Variants in GPT2 observed in about 807,000 individuals in gnomAD.
GPT2 encodes alanine aminotransferase 2.
GPT2 carries 30 observed loss-of-function variants against 56.9 expected under a neutral mutation model. The observed-to-expected ratio is 0.53, with a 90% confidence interval of 0.39 to 0.72. The LOEUF (loss-of-function observed/expected upper bound fraction) is 0.72. Among genes scored for constraint, GPT2 ranks in the 30% least tolerant of loss-of-function variants. The pLI, the probability that GPT2 is intolerant of heterozygous loss-of-function variation, is 0.00. For synonymous variants in GPT2, 271 were observed against 283.1 expected (o/e 0.96, Z 0.43); for missense variants, 542 against 703.4 (o/e 0.77, Z 2.60).
intron 6 of GPT2, among the ~76,000 whole-genome samples, chr16:46,912,126 T>G (rs1961057757): frequency 6.6e-6 from 1 of 152,170 alleles, no homozygotes; most frequent in South Asian, 2.1e-4. Flanking sequence ...GACCACACAC[T>G]GTGACCAGGG....
At chr16:46,927,920 T>C (rs1961449903) in intron 11 of GPT2, among the ~76,000 whole-genome samples, 1 of 152,068 alleles carries the variant, frequency 6.6e-6, no homozygotes, top group South Asian at 2.1e-4. Context: ...GAGTTGTGAC[T>C]GGAGGGTGTC....
intron 6 of GPT2, among the ~76,000 whole-genome samples, chr16:46,913,776 A>T (rs1189587061): frequency 6.6e-6 from 1 of 152,182 alleles, no homozygotes. Flanking sequence ...ATATGTACAC[A>T]CACACACAGT....
intron 3 of GPT2, among the ~76,000 whole-genome samples, chr16:46,899,398 C>T (rs2143409351): frequency 1.3e-5 from 2 of 152,266 alleles, no homozygotes; most frequent in South Asian, 4.1e-4. Flanking sequence ...CCCAAGAACA[C>T]CAGTTCCCTG....
chr16:46,909,954 T>G, intron 6 of GPT2, 27 bp downstream of exon 6: 1 of 1,568,412 alleles, frequency 6.4e-7, no homozygotes, highest in Non-Finnish European at 8.7e-7. Context: ...CTCACCAGTT[T>G]CGTAGAGGGT....
rs1354056069 is a variant in GPT2, at chr16:46,929,349, C to T, written c.*352C>T. On this transcript the variant is annotated 3_prime_UTR_variant, in exon 12 of 12. Coordinates refer to ENST00000340124, the MANE Select transcript of GPT2 (RefSeq NM_133443.4). ...CAGATCTGGAGAAATGAGCAGGTGT[C>T]GGGAAATGTGTGACTTAACCGTGGT... The T allele has an allele frequency of 8.8e-5, 23 of 261,228 alleles. No homozygotes were observed. The highest frequency in any genetic ancestry group is 4.1e-4 in the Admixed American group (9 of 21,720). The allele number at this position is 261,228 out of a possible 1,614,324, so 16.2% of individuals were successfully genotyped here. A position where few individuals can be genotyped will look rare whatever the true frequency, so the allele number is the denominator to read the frequency against.
In GPT2 at chr16:46,884,704, C is replaced by T; in HGVS notation, c.-12C>T. The T allele has an allele frequency of 8.7e-6, 12 of 1,375,704 alleles. No individual in the cohort carries two copies. The highest frequency in any genetic ancestry group is 2.2e-5 in the South Asian group (1 of 45,700). The allele number at this position is 1,375,704 out of a possible 1,614,324, so 85.2% of individuals were successfully genotyped here. ...CTCTTTTTGTGCCAGGGTTTCTCTC[C>T]GCAAGCGCGCGATGCAGCGGGCGGC... On this transcript the variant is annotated 5_prime_UTR_variant, in exon 2 of 12. Transcript: ENST00000340124.
intron 2 of GPT2, among the ~76,000 whole-genome samples, chr16:46,896,124 C>T (rs1960681663): frequency 6.6e-6 from 1 of 152,228 alleles, no homozygotes; most frequent in Non-Finnish European, 1.5e-5. Context: ...GATATTTGTA[C>T]TCTGCTAAGG....
chr16:46,903,566 A>G (rs1257761424), intron 4 of GPT2, among the ~76,000 whole-genome samples: 1 of 152,122 alleles, frequency 6.6e-6, no homozygotes, highest in African/African-American at 2.4e-5. Context: ...CTCAGCCTCC[A>G]GAGTAGTTGG....
intron 8 of GPT2, among the ~76,000 whole-genome samples, chr16:46,920,200 A>AG (rs1961258052): frequency 1.3e-5 from 2 of 152,240 alleles, no homozygotes; most frequent in Admixed American, 1.3e-4. Context: ...AACAACAGGA[A>AG]GGATGGTGTT....
chr16:46,885,109 C>G, intron 2 of GPT2, 151 bp downstream of exon 2: 2 of 1,349,886 alleles, frequency 1.5e-6, no homozygotes, highest in Non-Finnish European at 9.5e-7. Flanking sequence ...TGCCCCCTCC[C>G]GCCCGTTCAC....
chr16:46,901,956 C>A (rs530534991), intron 4 of GPT2, among the ~76,000 whole-genome samples: 1 of 152,274 alleles, frequency 6.6e-6, no homozygotes, highest in African/African-American at 2.4e-5. Context: ...TCCTTTCCCC[C>A]CTGCACCCTC....
chr16:46,928,153 T>A (rs1341866517), intron 11 of GPT2, among the ~76,000 whole-genome samples: 1 of 149,934 alleles, frequency 6.7e-6, no homozygotes, highest in Non-Finnish European at 1.5e-5. Flanking sequence ...AGCAAGACCC[T>A]GTCTCTACAA....
chr16:46,922,337 C>CA lies in GPT2; in HGVS notation c.1134dup (p.Val379SerfsTer22). ...CTGCTGTCGGTGCGCCTGTGCCCCC[C>CA]AGTGTCTGGGCAGGCCGCCATGGAC... On this transcript the variant is annotated frameshift_variant, in exon 9 of 12. Coordinates refer to ENST00000340124, the MANE Select transcript of GPT2 (RefSeq NM_133443.4). LOFTEE classifies it high-confidence loss of function. The CA allele has an allele frequency of 6.2e-7, 1 of 1,614,198 alleles. No individual in the cohort carries two copies. Among genetic ancestry groups the CA allele is most frequent in the Non-Finnish European group, 8.5e-7 (1 of 1,180,032 alleles).
At chr16:46,926,246 C>T (rs923938489) in intron 10 of GPT2, among the ~76,000 whole-genome samples, 5 of 151,718 alleles carry the variant, frequency 3.3e-5, no homozygotes, top group East Asian at 3.9e-4. Flanking sequence ...GTCAGGAGTT[C>T]GAGACCAGCC....
At chr16:46,921,373 A>G (rs1272011830) in intron 8 of GPT2, among the ~76,000 whole-genome samples, 1 of 152,106 alleles carries the variant, frequency 6.6e-6, no homozygotes, top group Non-Finnish European at 1.5e-5. Flanking sequence ...GGGTTTCACC[A>G]TGTTGGCCAG....
chr16:46,923,337 T>TA (rs1328369841), intron 9 of GPT2, among the ~76,000 whole-genome samples: 1 of 152,180 alleles, frequency 6.6e-6, no homozygotes, highest in African/African-American at 2.4e-5. Context: ...ACATGCCTGT[T>TA]ATCCCAACTA....
At chr16:46,892,453 G>A (rs1960603333) in intron 2 of GPT2, among the ~76,000 whole-genome samples, 1 of 152,168 alleles carries the variant, frequency 6.6e-6, no homozygotes, top group African/African-American at 2.4e-5. Context: ...CTACCCAGCA[G>A]TGGGACTGCT....
intron 2 of GPT2, among the ~76,000 whole-genome samples, chr16:46,893,671 G>A (rs369779276): frequency 1.3e-5 from 2 of 152,202 alleles, no homozygotes; most frequent in East Asian, 1.9e-4. Context: ...GAGCTGGGGG[G>A]TTGGTGCCCT....
chr16:46,887,116 C>T (rs904071250), intron 2 of GPT2, among the ~76,000 whole-genome samples: 1 of 152,142 alleles, frequency 6.6e-6, no homozygotes, highest in Non-Finnish European at 1.5e-5. Context: ...TTCTGGCTTG[C>T]CTTCTCCTTG....
Sources: gnomAD v4.1 joint callset for allele counts (sites outside exome capture counted in the v4.1 genomes callset) on GRCh38, gnomAD v4.1.1 for gene constraint, MANE v1.5 for transcripts, NCBI Gene and HGNC (gene_info 2026-07-23, HGNC 2026-07-21) for gene names.